The following TMCO1 variants were observed in gnomAD, a reference collection of about 807,000 sequenced individuals.
TMCO1 encodes calcium load-activated calcium channel.
A neutral mutation model predicts 29.3 loss-of-function variants in TMCO1; 29 were observed. The observed-to-expected ratio is 0.99, with a 90% CI of 0.74 to 1.35. The LOEUF (loss-of-function observed/expected upper bound fraction) is 1.35, where lower values mean the gene tolerates loss of function less well. TMCO1 is among the 40% of genes most tolerant of loss of function. TMCO1 has a pLI of 0.00. For synonymous variants in TMCO1, 80 were observed against 77.1 expected (o/e 1.04, Z -0.20); for missense variants, 173 against 225.5 (o/e 0.77, Z 1.49).
rs553224909 is a variant in TMCO1, at chr1:165,744,076, T to C, written c.324-765A>G. On this transcript the variant is annotated intron_variant, in intron 5 of 6. Coordinates refer to ENST00000367881, the MANE Select transcript of TMCO1 (RefSeq NM_019026.6). ...GGTTTCACGATGTTGGCCTTGATGG[T>C]CTCGATCTCTTGACCTCATGATCCG... 5.7e-4 allele frequency among the ~76,000 whole-genome samples: 86 copies of C among 152,170 alleles called. 2 individuals carry two copies. In the South Asian group the frequency reaches 0.016, roughly 28 times the overall value.
chr1:165,734,672 AT>A (rs1651299300), intron 6 of TMCO1, among the ~76,000 whole-genome samples: 1 of 151,710 alleles, frequency 6.6e-6, no homozygotes, highest in Non-Finnish European at 1.5e-5. Flanking sequence ...TGCCCGGCTA[AT>A]TTTGTATTTT....
chr1:165,726,024 G>A, downstream of TMCO1: 1 of 687,430 alleles, frequency 1.5e-6, no homozygotes, highest in Non-Finnish European at 2.7e-6. Context: ...CAACTTCAAA[G>A]CCTCAGGGTA....
At chr1:165,768,871 C>A, upstream of TMCO1, 3 of 1,561,458 alleles carry the variant, frequency 1.9e-6, no homozygotes, top group Non-Finnish European at 2.6e-6. Context: ...CCAACTCTGA[C>A]AGCCCGAAGA....
chr1:165,752,379 C>T (rs1652032775), intron 4 of TMCO1, among the ~76,000 whole-genome samples: 1 of 151,224 alleles, frequency 6.6e-6, no homozygotes, highest in Admixed American at 6.6e-5. Flanking sequence ...CCTCAGCCTC[C>T]CGAGTAGCTG....
At chr1:165,750,105 A>C (rs1349997463) in intron 5 of TMCO1, among the ~76,000 whole-genome samples, 1 of 36,874 alleles carries the variant, frequency 2.7e-5, no homozygotes, top group Non-Finnish European at 5.7e-5. Context: ...AAAGATATAA[A>C]TTAATAAAAT....
rs566648593 is a variant in TMCO1, at chr1:165,750,391, AT to A, written c.323+1710del. 2.3e-4 allele frequency among the ~76,000 whole-genome samples: 35 copies of A among 151,470 alleles called. No individual in the cohort carries two copies. In the East Asian group the frequency reaches 6.1e-3, roughly 26 times the overall value. On this transcript the variant is annotated intron_variant, in intron 5 of 6. Coordinates refer to ENST00000367881, the MANE Select transcript of TMCO1 (RefSeq NM_019026.6). ...CCCATCTCTACTAAAAATACAAAAA[AT>A]TAGCTGGGTGTGGTGGTTCGCACCT...
rs750387757 is a variant in TMCO1 at position 165,728,138 on chromosome 1, G to A, written c.469-17C>T. Reference sequence around the variant, plus strand: ...CTGAATGTTCTGTGAAGAAAGCACAGTAAGGATTGGGTTTTAATATCAAAT... The same window carrying A: ...CTGAATGTTCTGTGAAGAAAGCACAATAAGGATTGGGTTTTAATATCAAAT... On this transcript the variant is annotated splice_polypyrimidine_tract_variant and intron_variant, in intron 6 of 6. Transcript: ENST00000367881. The A allele has an allele frequency of 1.4e-5, 23 of 1,593,286 alleles. No homozygotes were observed. Among genetic ancestry groups the A allele is most frequent in the Non-Finnish European group, 1.9e-5 (22 of 1,164,680 alleles).
At chr1:165,733,774 C>G (rs1488729181) in intron 6 of TMCO1, among the ~76,000 whole-genome samples, 2 of 152,060 alleles carry the variant, frequency 1.3e-5, no homozygotes, top group Non-Finnish European at 2.9e-5. Context: ...AACAGGGTAA[C>G]AAATGAAGAA....
chr1:165,742,267 C>A (rs867328055), intron 6 of TMCO1, among the ~76,000 whole-genome samples: 12 of 147,888 alleles, frequency 8.1e-5, no homozygotes, highest in East Asian at 6.1e-4. Context: ...CGGCTCCCCC[C>A]CTTTTCTTTT....
chr1:165,746,453 T>TCACACACACAGA (rs1553250048), intron 5 of TMCO1, among the ~76,000 whole-genome samples: 39 of 132,420 alleles, frequency 2.9e-4, no homozygotes, highest in African/African-American at 1.1e-3. Flanking sequence ...AAGACCTATA[T>TCACACACACAGA]CACACACACA....
intron 3 of TMCO1, among the ~76,000 whole-genome samples, chr1:165,755,373 T>C (rs1652156004): frequency 6.6e-6 from 1 of 152,094 alleles, no homozygotes; most frequent in South Asian, 2.1e-4. Flanking sequence ...TCCTCTCATA[T>C]TTAAATCCAA....
At chr1:165,768,573 G>A in intron 1 of TMCO1, 109 bp downstream of exon 1, 7 of 1,588,862 alleles carry the variant, frequency 4.4e-6, no homozygotes, top group Non-Finnish European at 6.0e-6. Flanking sequence ...TGGAGTAGAT[G>A]AGCCTCTCAA....
intron 5 of TMCO1, among the ~76,000 whole-genome samples, chr1:165,747,356 T>C (rs553384458): frequency 6.6e-6 from 1 of 151,508 alleles, no homozygotes; most frequent in Admixed American, 6.6e-5. Context: ...CTTATACTTA[T>C]TTGGAAAGAA....
chr1:165,735,969 A>T (rs1013291359), intron 6 of TMCO1, among the ~76,000 whole-genome samples: 1 of 152,200 alleles, frequency 6.6e-6, no homozygotes, highest in Non-Finnish European at 1.5e-5. Context: ...TTACAAATTC[A>T]TATGTTGAAT....
At position 165,726,921 on chromosome 1, in the gene TMCO1, A is replaced by G. The variant is rs766948013; in HGVS notation, c.*1102T>C. On this transcript the variant is annotated 3_prime_UTR_variant, in exon 7 of 7. Coordinates refer to ENST00000367881, the MANE Select transcript of TMCO1 (RefSeq NM_019026.6). ...GTCTTCTGGACTTTATGGTGCTGATAAGAAAGAAGTTTGCTGTTGGTTTAA... is the reference window on the plus strand; with the variant it reads ...GTCTTCTGGACTTTATGGTGCTGATGAGAAAGAAGTTTGCTGTTGGTTTAA... 2.2e-6 allele frequency: 1 copy of G among 454,090 alleles called. No homozygotes were observed. Among genetic ancestry groups the G allele is most frequent in the African/African-American group, 2.0e-5 (1 of 50,134 alleles). The allele number at this position is 454,090 out of a possible 1,614,324, so 28.1% of individuals were successfully genotyped here. A position where few individuals can be genotyped will look rare whatever the true frequency, so the allele number is the denominator to read the frequency against.
intron 4 of TMCO1, 75 bp from the exon 5 acceptor site, chr1:165,752,244 T>G: frequency 1.7e-6 from 2 of 1,154,434 alleles, no homozygotes; most frequent in Non-Finnish European, 2.5e-6. Context: ...AAGTTTTGGT[T>G]TCATGTCATT....
intron 6 of TMCO1, among the ~76,000 whole-genome samples, chr1:165,732,560 C>T (rs1384591432): frequency 6.8e-6 from 1 of 146,280 alleles, no homozygotes; most frequent in African/African-American, 2.5e-5. Flanking sequence ...TGCAAAAAAC[C>T]CATAGAATGT....
intron 6 of TMCO1, among the ~76,000 whole-genome samples, chr1:165,736,880 C>T (rs541802953): frequency 6.6e-5 from 10 of 152,342 alleles, no homozygotes; most frequent in African/African-American, 2.4e-4. Context: ...CAGCTTACCA[C>T]AAACCCGATC....
chr1:165,727,703 C>A lies in TMCO1; in HGVS notation c.*320G>T. The A allele has an allele frequency of 2.2e-6, 1 of 454,842 alleles. No homozygotes were observed. The highest frequency in any genetic ancestry group is 2.4e-5 in the Admixed American group (1 of 42,542). The allele number at this position is 454,842 out of a possible 1,614,324, so 28.2% of individuals were successfully genotyped here. On this transcript the variant is annotated 3_prime_UTR_variant, in exon 7 of 7. Transcript: ENST00000367881. ...AGACAGCCAACTTGCAGGGCATACA[C>A]AGTGCCTTGAGAGTCGGTCCCACAG...
Sources: allele counts gnomAD v4.1 joint callset (sites outside exome capture counted in the v4.1 genomes callset), GRCh38; gene constraint gnomAD v4.1.1; transcripts MANE v1.5; gene names NCBI Gene and HGNC (gene_info 2026-07-23, HGNC 2026-07-21).